Variants in PAK1 observed in about 807,000 individuals in gnomAD.
PAK1 encodes the protein serine/threonine-protein kinase PAK 1.
A neutral mutation model predicts 67.4 loss-of-function variants in PAK1; 29 were observed. That is an observed-to-expected ratio of 0.43 (90% CI 0.32 to 0.59). PAK1 has a LOEUF of 0.59. Ranked by LOEUF, PAK1 falls within the 20% of genes least tolerant of loss-of-function variation. The pLI is 0.07. For missense variants in PAK1, 337 were observed against 670.7 expected (o/e 0.50, Z 5.50); for synonymous variants, 223 against 237.4 (o/e 0.94, Z 0.56).
chr11:77,494,382 T>C, the PAK1 span, among the ~76,000 whole-genome samples: 1 of 152,194 alleles, frequency 6.6e-6, no homozygotes, highest in Non-Finnish European at 1.5e-5. Context: ...GCAGGTAATT[T>C]GTATAACATG....
rs761186198 is a variant in PAK1 at position 77,359,066 on chromosome 11, C to T, written c.478-49G>A. 8 of 1,582,554 alleles carry T rather than the reference C, an allele frequency of 5.1e-6. No individual in the cohort carries two copies. In the South Asian group the frequency reaches 9.0e-5, roughly 18 times the overall value. ...TGCATCTGGTCCAGCTGCCATGGAA[C>T]TTAACTATCAGGATCACCAAACCTC... On this transcript the variant is annotated intron_variant, in intron 5 of 14. Coordinates refer to ENST00000356341, the MANE Select transcript of PAK1 (RefSeq NM_002576.5).
At chr11:77,400,507 C>T (rs1326304783) in intron 1 of PAK1, among the ~76,000 whole-genome samples, 6 of 152,170 alleles carry the variant, frequency 3.9e-5, no homozygotes, top group Non-Finnish European at 7.4e-5. Flanking sequence ...CCCATCTGCA[C>T]TGAGGACTCA....
chr11:77,381,219 A>G (rs1949796924), intron 2 of PAK1, among the ~76,000 whole-genome samples: 1 of 151,772 alleles, frequency 6.6e-6, no homozygotes, highest in South Asian at 2.1e-4. Context: ...CTGCTTTCTC[A>G]TCTAAACAAG....
At chr11:77,383,632 G>A (rs952308899) in intron 2 of PAK1, among the ~76,000 whole-genome samples, 6 of 152,052 alleles carry the variant, frequency 3.9e-5, no homozygotes, top group South Asian at 2.1e-4. Context: ...GCCTGGTACT[G>A]TGTAATATTT....
At chr11:77,429,094 A>AAAAAAAAAAAAAAAAAAAAAAAAC (rs1565696623) in intron 1 of PAK1, among the ~76,000 whole-genome samples, 1 of 102,584 alleles carries the variant, frequency 9.7e-6, no homozygotes, top group Admixed American at 9.7e-5. Context: ...AAAAAAAAAA[A>AAAAAAAAAAAAAAAAAAAAAAAAC]CACACACACA....
intron 1 of PAK1, among the ~76,000 whole-genome samples, chr11:77,397,880 A>G (rs924122296): frequency 2.0e-5 from 3 of 152,246 alleles, no homozygotes; most frequent in African/African-American, 7.2e-5. Context: ...AAGATCACAC[A>G]GCAATTTATA....
At chr11:77,526,515 G>A in the PAK1 span, among the ~76,000 whole-genome samples, 6 of 152,180 alleles carry the variant, frequency 3.9e-5, no homozygotes, top group African/African-American at 9.7e-5. Context: ...GATATGTATT[G>A]TAATGTGGAA....
At chr11:77,500,235 G>A in the PAK1 span, among the ~76,000 whole-genome samples, 3 of 152,186 alleles carry the variant, frequency 2.0e-5, no homozygotes, top group Admixed American at 1.3e-4. Context: ...TTGGGAGGCC[G>A]AGGTGGGCGG....
intron 1 of PAK1, among the ~76,000 whole-genome samples, chr11:77,408,532 TACAC>T (rs377689850): frequency 0.028 from 3,867 of 137,872 alleles, 153 homozygotes; most frequent in African/African-American, 0.09. Context: ...TATGGAGAAA[TACAC>T]ACACACACAC....
chr11:77,364,243 G>C (rs1219616546), intron 5 of PAK1, among the ~76,000 whole-genome samples: 1 of 152,120 alleles, frequency 6.6e-6, no homozygotes, highest in African/African-American at 2.4e-5. Context: ...GTAAAAGCTG[G>C]AACAGACTTG....
intron 7 of PAK1, among the ~76,000 whole-genome samples, chr11:77,353,976 G>A (rs942639778): frequency 6.6e-6 from 1 of 152,080 alleles, no homozygotes; most frequent in African/African-American, 2.4e-5. Context: ...AGACAGATAA[G>A]TAAGCATAAA....
At chr11:77,459,160 G>A (rs886721133) in intron 1 of PAK1, among the ~76,000 whole-genome samples, 5 of 152,112 alleles carry the variant, frequency 3.3e-5, no homozygotes, top group Non-Finnish European at 5.9e-5. Flanking sequence ...GGTAGGTGAG[G>A]TCAAATTATT....
At chr11:77,495,347 G>A in the PAK1 span, among the ~76,000 whole-genome samples, 2 of 151,296 alleles carry the variant, frequency 1.3e-5, no homozygotes, top group South Asian at 2.1e-4. Flanking sequence ...GGTGGTGCAT[G>A]ACTGTAATCC....
chr11:77,428,702 A>G (rs1955691982), intron 1 of PAK1, among the ~76,000 whole-genome samples: 1 of 151,998 alleles, frequency 6.6e-6, no homozygotes, highest in East Asian at 1.9e-4. Context: ...TCAGAGCCCA[A>G]GCAGGGTGAA....
chr11:77,528,438 C>A, the PAK1 span, among the ~76,000 whole-genome samples: 2 of 151,696 alleles, frequency 1.3e-5, no homozygotes, highest in South Asian at 4.2e-4. Context: ...TAGCTCACTG[C>A]AGCCTCAAAC....
chr11:77,438,929 T>G lies in PAK1; in HGVS notation c.-22+34623A>C, dbSNP rs368084461. ...TCACCCACAAAGACATGAGGATGAATTTGAGGCTCTAGAACTGAGCTCCTG... is the reference window on the plus strand; with the variant it reads ...TCACCCACAAAGACATGAGGATGAAGTTGAGGCTCTAGAACTGAGCTCCTG... On this transcript the variant is annotated intron_variant, in intron 1 of 14. Transcript: ENST00000356341. 5.3e-5 allele frequency among the ~76,000 whole-genome samples: 8 copies of G among 152,320 alleles called. No individual in the cohort carries two copies. The East Asian group carries it at 1.5e-3, about 29-fold the overall frequency.
chr11:77,451,596 TG>T (rs1437170684), intron 1 of PAK1, among the ~76,000 whole-genome samples: 4 of 149,182 alleles, frequency 2.7e-5, no homozygotes, highest in Non-Finnish European at 5.9e-5. Flanking sequence ...TAATGTCTTT[TG>T]TTTTTTTTTG....
chr11:77,481,673 CAAAA>C, the PAK1 span, among the ~76,000 whole-genome samples: 1 of 94,424 alleles, frequency 1.1e-5, no homozygotes, highest in Non-Finnish European at 2.2e-5. Context: ...GACTCCATCT[CAAAA>C]AAAAAAAAAA....
intron 1 of PAK1, among the ~76,000 whole-genome samples, chr11:77,459,690 C>CTT (rs755731892): frequency 5.9e-4 from 79 of 134,540 alleles, no homozygotes; most frequent in African/African-American, 1.6e-3. Context: ...TCTTCTTCTT[C>CTT]TTTTTTTTTT....
Sources: gnomAD v4.1 joint callset for allele counts (sites outside exome capture counted in the v4.1 genomes callset) on GRCh38, gnomAD v4.1.1 for gene constraint, MANE v1.5 for transcripts, NCBI Gene and HGNC (gene_info 2026-07-23, HGNC 2026-07-21) for gene names.